Variants in HGD observed in about 807,000 individuals in gnomAD.
HGD encodes the protein homogentisate oxidase.
In HGD, 61 loss-of-function variants were observed where a neutral mutation model predicts 60.8. That is an observed-to-expected ratio of 1.00 (90% CI 0.82 to 1.24). The LOEUF (loss-of-function observed/expected upper bound fraction) is 1.24. HGD is among the 50% of genes most tolerant of loss of function. The pLI is 0.00. For synonymous variants in HGD, 212 were observed against 187.7 expected (o/e 1.13, Z -1.06); for missense variants, 542 against 547.1 (o/e 0.99, Z 0.09).
intron 13 of HGD, among the ~76,000 whole-genome samples, chr3:120,632,641 C>T (rs188484278): frequency 2.1e-4 from 32 of 152,304 alleles, no homozygotes; most frequent in Admixed American, 1.7e-3. Context: ...ATCCTGCCTC[C>T]GCTACTACTG....
intron 1 of HGD, among the ~76,000 whole-genome samples, chr3:120,680,607 T>C (rs1708214022): frequency 6.6e-6 from 1 of 152,232 alleles, no homozygotes; most frequent in Non-Finnish European, 1.5e-5. Flanking sequence ...AGTTTCTATC[T>C]ACTCTTTCTT....
rs377387456 is a variant in HGD, at chr3:120,644,481, C to CT, written c.650-39_650-38insA. On this transcript the variant is annotated intron_variant, in intron 9 of 13. Transcript: ENST00000283871. ...AACCCAAAAGTCTTTTAGAAACTTC[C>CT]AAAACATAGGAAAGATGCCCATGGT... The CT allele has an allele frequency of 1.7e-4, 267 of 1,613,526 alleles. 1 individual carries two copies. The highest frequency in any genetic ancestry group is 6.6e-4 in the Middle Eastern group (4 of 6,060).
chr3:120,644,677 A>G, intron 9 of HGD: 2 of 1,421,586 alleles, frequency 1.4e-6, no homozygotes, highest in East Asian at 2.7e-5. Flanking sequence ...TGGAGTGACT[A>G]TGGTTAACAA....
chr3:120,652,703 G>A, intron 4 of HGD, 52 bp from the exon 5 acceptor site: 1 of 1,246,304 alleles, frequency 8.0e-7, no homozygotes, highest in Non-Finnish European at 1.2e-6. Flanking sequence ...GTAAACCATA[G>A]ACCTTCTAAA....
chr3:120,648,843 A>G (rs1158397201), intron 6 of HGD, among the ~76,000 whole-genome samples: 1 of 152,226 alleles, frequency 6.6e-6, no homozygotes, highest in Non-Finnish European at 1.5e-5. Context: ...TATTTTACAT[A>G]TTAATAGTTT....
chr3:120,679,026 T>C (rs1708184515), intron 1 of HGD, among the ~76,000 whole-genome samples: 1 of 152,234 alleles, frequency 6.6e-6, no homozygotes, highest in Non-Finnish European at 1.5e-5. Flanking sequence ...AGTTCGGATT[T>C]CTGAATAATT....
chr3:120,663,604 G>A (rs550091754), intron 4 of HGD, among the ~76,000 whole-genome samples: 1 of 152,138 alleles, frequency 6.6e-6, no homozygotes, highest in Non-Finnish European at 1.5e-5. Context: ...TTATTTTGCA[G>A]GTTTGGGAAT....
At chr3:120,640,900 T>C (rs1035610719) in intron 11 of HGD, among the ~76,000 whole-genome samples, 3 of 152,176 alleles carry the variant, frequency 2.0e-5, no homozygotes, top group Non-Finnish European at 4.4e-5. Context: ...TTCCAGCTTG[T>C]GGGTTAGGTT....
intron 4 of HGD, among the ~76,000 whole-genome samples, chr3:120,656,946 C>T (rs190540009): frequency 8.5e-5 from 13 of 152,306 alleles, no homozygotes; most frequent in African/African-American, 2.4e-4. Flanking sequence ...GTTCTTCACA[C>T]GTGTAAAATC....
chr3:120,634,107 C>A (rs1460581995), intron 12 of HGD, among the ~76,000 whole-genome samples: 2 of 152,078 alleles, frequency 1.3e-5, no homozygotes, highest in African/African-American at 2.4e-5. Context: ...ATTTCTATAT[C>A]TTTCCTGACT....
chr3:120,639,243 C>T (rs751264888), intron 11 of HGD, among the ~76,000 whole-genome samples: 3 of 152,068 alleles, frequency 2.0e-5, no homozygotes, highest in Non-Finnish European at 4.4e-5. Flanking sequence ...CTATTTTTCT[C>T]ATGTTTATGT....
At chr3:120,644,662 GGTT>G in intron 9 of HGD, 1 of 1,493,038 alleles carries the variant, frequency 6.7e-7, no homozygotes, top group East Asian at 2.6e-5. Context: ...TACTTTCTAA[GGTT>G]GTGGAGTGAC....
At chr3:120,648,864 G>A (rs138568677) in intron 6 of HGD, among the ~76,000 whole-genome samples, 1 of 152,124 alleles carries the variant, frequency 6.6e-6, no homozygotes, top group African/African-American at 2.4e-5. Context: ...GACTATTTTT[G>A]TCAACAATAA....
intron 1 of HGD, among the ~76,000 whole-genome samples, chr3:120,678,300 A>G (rs925141685): frequency 6.6e-6 from 1 of 152,200 alleles, no homozygotes; most frequent in Admixed American, 6.5e-5. Flanking sequence ...TAATAACCCC[A>G]AATTATCTTC....
In HGD at chr3:120,674,948, C is replaced by A; in HGVS notation, c.129G>T (p.Gln43His). ...QVCPYNLYAE[Q>H]LSGSAFTCPR... ...GACAAGTGAAAGCCGATCCTGAGAG[C>A]TGCTCAGCATAGAGATTGTAGGGGC... The change falls in exon 3 of 14, where the codon CAG becomes CAT. Residue 43 changes from glutamine (Q) to histidine (H), a missense_variant. Around this residue, in one of 2 missense-constraint regions of HGD, gnomAD observed 537 missense variants for 529.1 expected, o/e 1.01. Coordinates refer to ENST00000283871, the MANE Select transcript of HGD (RefSeq NM_000187.4). The A allele has an allele frequency of 6.2e-7, 1 of 1,612,138 alleles. No individual in the cohort carries two copies. The highest frequency in any genetic ancestry group is 1.3e-5 in the African/African-American group (1 of 74,952).
At chr3:120,659,617 T>G (rs1941599030) in intron 4 of HGD, among the ~76,000 whole-genome samples, 1 of 152,212 alleles carries the variant, frequency 6.6e-6, no homozygotes, top group Admixed American at 6.5e-5. Context: ...CTCATCTTCC[T>G]GTCTTCTGAG....
rs534718235 is a variant in HGD at position 120,631,790 on chromosome 3, A to C, written c.1188+1357T>G. ...TAGGTAAGATGTTGGACCCTCCGCC[A>C]TCAGGTATTCTGGCTCCTTGATACC... On this transcript the variant is annotated intron_variant, in intron 13 of 13. Coordinates refer to ENST00000283871, the MANE Select transcript of HGD (RefSeq NM_000187.4). 3.9e-5 allele frequency among the ~76,000 whole-genome samples: 6 copies of C among 152,326 alleles called. No individual in the cohort carries two copies. In the East Asian group the frequency reaches 9.6e-4, roughly 24 times the overall value.
At chr3:120,637,236 G>A (rs1409182817) in intron 12 of HGD, among the ~76,000 whole-genome samples, 2 of 147,314 alleles carry the variant, frequency 1.4e-5, no homozygotes, top group Non-Finnish European at 1.5e-5. Flanking sequence ...ATTAAATCCT[G>A]ACTCTACACT....
At chr3:120,668,482 A>T (rs1707949809) in intron 4 of HGD, among the ~76,000 whole-genome samples, 1 of 152,000 alleles carries the variant, frequency 6.6e-6, no homozygotes, top group Non-Finnish European at 1.5e-5. Context: ...ACAAAGGGGA[A>T]GCAGGAGATT....
Sources: gnomAD v4.1 joint callset for allele counts (sites outside exome capture counted in the v4.1 genomes callset) on GRCh38, gnomAD v4.1.1 for gene constraint, gnomAD v4.1.1 regional missense constraint, MANE v1.5 for transcripts, NCBI Gene and HGNC (gene_info 2026-07-23, HGNC 2026-07-21) for gene names.